DIAPH2: variants seen among roughly 807,000 people sequenced by gnomAD.
DIAPH2 encodes the protein diaphanous related formin 2, also known as protein diaphanous homolog 2.
In DIAPH2, 35 loss-of-function variants were observed where a neutral mutation model predicts 92.7. That is an observed-to-expected ratio of 0.38 (90% confidence interval 0.29 to 0.50). The LOEUF (loss-of-function observed/expected upper bound fraction) is 0.50. Ranked by LOEUF, DIAPH2 falls within the 20% of genes least tolerant of loss-of-function variation. The pLI, the probability that DIAPH2 is intolerant of heterozygous loss-of-function variation, is 0.94. For synonymous variants in DIAPH2, 301 were observed against 280.4 expected (o/e 1.07, Z -0.73); for missense variants, 701 against 819.5 (o/e 0.86, Z 1.77).
chrX:96,754,923 CAAAAAAAAAAAAAAAAA>C (rs1007573600), intron 3 of DIAPH2, among the ~76,000 whole-genome samples: 5 of 16,007 alleles, frequency 3.1e-4, no homozygotes, highest in Non-Finnish European at 4.3e-4. Context: ...GTCTCCACCT[CAAAAAAAAAAAAAAAAA>C]AAAAAAAAAA....
chrX:97,463,632 C>G (rs1026102114), intron 26 of DIAPH2, among the ~76,000 whole-genome samples: 3 of 111,153 alleles, frequency 2.7e-5, no homozygotes, highest in Non-Finnish European at 5.6e-5. Flanking sequence ...CTCAGGTGAT[C>G]TGCCCACCTC....
intron 5 of DIAPH2, 79 bp downstream of exon 5, chrX:96,881,797 T>G: frequency 9.7e-7 from 1 of 1,026,270 alleles, no homozygotes; most frequent in Non-Finnish European, 1.3e-6. Flanking sequence ...ATAAGTTTTG[T>G]TATTTAAACC....
At chrX:97,481,564 A>G (rs1003646273) in intron 26 of DIAPH2, among the ~76,000 whole-genome samples, 2 of 111,609 alleles carry the variant, frequency 1.8e-5, no homozygotes, top group African/African-American at 6.5e-5. Flanking sequence ...ACAGGACTAA[A>G]TGAGCCAGGG....
intron 1 of DIAPH2, among the ~76,000 whole-genome samples, chrX:96,694,061 G>A (rs1251876483): frequency 8.9e-6 from 1 of 112,048 alleles, no homozygotes; most frequent in African/African-American, 3.2e-5. Context: ...ATTTGTCATT[G>A]GTTCTGAGAA....
At chrX:96,874,734 T>C (rs2065167347) in intron 4 of DIAPH2, among the ~76,000 whole-genome samples, 1 of 112,103 alleles carries the variant, frequency 8.9e-6, no homozygotes, top group Admixed American at 9.5e-5. Flanking sequence ...AATATCACCT[T>C]TTTGTTTCCT....
intron 22 of DIAPH2, among the ~76,000 whole-genome samples, chrX:97,229,806 A>G (rs2067993974): frequency 1.1e-5 from 1 of 90,456 alleles, no homozygotes; most frequent in Non-Finnish European, 2.3e-5. Flanking sequence ...AAGATATAAT[A>G]TATTGTTATT....
intron 22 of DIAPH2, among the ~76,000 whole-genome samples, chrX:97,219,847 T>C (rs182561469): frequency 4.5e-4 from 50 of 112,115 alleles, no homozygotes; most frequent in Non-Finnish European, 8.3e-4. Context: ...GCATATCTTT[T>C]ATAGATGTCA....
chrX:97,484,815 T>G (rs1488310125), intron 26 of DIAPH2, among the ~76,000 whole-genome samples: 1 of 111,733 alleles, frequency 8.9e-6, no homozygotes, highest in Non-Finnish European at 1.9e-5. Context: ...GAGAATCACT[T>G]GAACCTGGGA....
intron 26 of DIAPH2, among the ~76,000 whole-genome samples, chrX:97,471,552 C>T (rs1229611147): frequency 2.8e-5 from 3 of 108,743 alleles, no homozygotes; most frequent in Non-Finnish European, 5.7e-5. Context: ...ATCAGCCGGG[C>T]GTGGTGGTGT....
intron 26 of DIAPH2, among the ~76,000 whole-genome samples, chrX:97,482,497 G>A (rs1417776228): frequency 1.8e-5 from 2 of 111,696 alleles, no homozygotes; most frequent in African/African-American, 6.5e-5. Context: ...CAAAGGTGAA[G>A]CTTTCATTTG....
chrX:97,307,777 G>A (rs1474902317), intron 23 of DIAPH2, among the ~76,000 whole-genome samples: 2 of 108,570 alleles, frequency 1.8e-5, no homozygotes, highest in Admixed American at 1.0e-4. Context: ...GCGTGGTGGC[G>A]CATGCCTGTA....
chrX:96,709,896 G>A (rs1170979903), intron 1 of DIAPH2, among the ~76,000 whole-genome samples: 1 of 111,895 alleles, frequency 8.9e-6, no homozygotes, highest in Non-Finnish European at 1.9e-5. Flanking sequence ...ACAAATTGTT[G>A]CTTTGTTATA....
intron 5 of DIAPH2, among the ~76,000 whole-genome samples, chrX:96,906,854 G>T (rs2065437241): frequency 8.9e-6 from 1 of 111,961 alleles, no homozygotes; most frequent in African/African-American, 3.2e-5. Context: ...TTTACATAGG[G>T]TTGGAAGATG....
chrX:97,104,889 C>A (rs750280260), intron 20 of DIAPH2, among the ~76,000 whole-genome samples: 1 of 111,973 alleles, frequency 8.9e-6, no homozygotes, highest in African/African-American at 3.2e-5. Flanking sequence ...TGAATCCCAG[C>A]ACTTTGGGAG....
At chrX:97,073,306 G>T (rs958850910) in intron 18 of DIAPH2, among the ~76,000 whole-genome samples, 5 of 111,329 alleles carry the variant, frequency 4.5e-5, no homozygotes, top group Non-Finnish European at 9.4e-5. Context: ...ACTGTTGGAG[G>T]ACATAGTGAA....
At chrX:96,837,337 A>T (rs755656616) in intron 4 of DIAPH2, among the ~76,000 whole-genome samples, 1 of 108,719 alleles carries the variant, frequency 9.2e-6, no homozygotes, top group Admixed American at 9.9e-5. Context: ...ACTCGCTGAT[A>T]AGTGGCTTTC....
chrX:97,598,890 T>C (rs946207016), intron 26 of DIAPH2, among the ~76,000 whole-genome samples: 1 of 112,215 alleles, frequency 8.9e-6, no homozygotes, highest in African/African-American at 3.2e-5. Flanking sequence ...TCATGGGGAA[T>C]TGAAGTGCTT....
At chrX:97,014,619 G>T (rs761243056) in intron 17 of DIAPH2, among the ~76,000 whole-genome samples, 1 of 112,147 alleles carries the variant, frequency 8.9e-6, no homozygotes. Context: ...GAAACTGCCT[G>T]TGAGAGACCA....
At chrX:97,359,951 G>A (rs1167007103) in intron 24 of DIAPH2, among the ~76,000 whole-genome samples, 2 of 111,385 alleles carry the variant, frequency 1.8e-5, no homozygotes, top group Non-Finnish European at 3.8e-5. Context: ...GCAAACATAC[G>A]GTTTTGGAAT....
Sources: gnomAD v4.1 joint callset for allele counts (sites outside exome capture counted in the v4.1 genomes callset) on GRCh38, gnomAD v4.1.1 for gene constraint, MANE v1.5 for transcripts, NCBI Gene and HGNC (gene_info 2026-07-23, HGNC 2026-07-21) for gene names.